The following JAK2 variants were observed in gnomAD, a reference collection of about 807,000 sequenced individuals.
The protein encoded by JAK2 is tyrosine-protein kinase JAK2.
A neutral mutation model predicts 139.3 loss-of-function variants in JAK2; 86 were observed. The ratio of observed to expected loss-of-function variants is 0.62; its 90% CI spans 0.52 to 0.74. The LOEUF (loss-of-function observed/expected upper bound fraction) is 0.74, where lower values mean the gene tolerates loss of function less well. Among genes scored for constraint, JAK2 ranks in the 30% least tolerant of loss-of-function variants. JAK2 has a pLI of 0.00. For missense variants in JAK2, 1,421 were observed against 1,360.3 expected (o/e 1.04, Z -0.70); for synonymous variants, 490 against 437.7 (o/e 1.12, Z -1.49).
In JAK2 at chr9:5,123,128, G is replaced by A; in HGVS notation, c.3177+7G>A. The A allele has an allele frequency of 6.5e-7, 1 of 1,542,252 alleles. No homozygotes were observed. Among genetic ancestry groups the A allele is most frequent in the Non-Finnish European group, 8.8e-7 (1 of 1,131,182 alleles). On this transcript the variant is annotated splice_region_variant and intron_variant, in intron 23 of 24. Transcript: ENST00000381652. Reference sequence around the variant, plus strand: ...GAGTAAAAGTCCACCAGCGGTCAGTGTGCTTTTTATTTACTTTCAGTTTTT... The same window carrying A: ...GAGTAAAAGTCCACCAGCGGTCAGTATGCTTTTTATTTACTTTCAGTTTTT...
intron 22 of JAK2, among the ~76,000 whole-genome samples, chr9:5,120,716 T>G (rs1823549584): frequency 6.6e-6 from 1 of 152,178 alleles, no homozygotes; most frequent in South Asian, 2.1e-4. Flanking sequence ...ATGTAAACTG[T>G]AACAATGGGT....
chr9:5,069,350 C>A (rs1818790474), intron 11 of JAK2, 142 bp downstream of exon 11: 2 of 552,810 alleles, frequency 3.6e-6, no homozygotes, highest in Non-Finnish European at 6.2e-6. Context: ...ATTGTACAAG[C>A]ATCATCAAAT....
At chr9:5,065,705 A>T (rs1054999896) in intron 9 of JAK2, among the ~76,000 whole-genome samples, 1 of 152,226 alleles carries the variant, frequency 6.6e-6, no homozygotes, top group African/African-American at 2.4e-5. Flanking sequence ...GCTAGCTATC[A>T]TGCATAACAT....
At chr9:5,109,130 C>T (rs1341371188) in intron 22 of JAK2, 2 of 152,030 alleles carry the variant, frequency 1.3e-5, no homozygotes, top group East Asian at 3.9e-4. Context: ...TAATTACAAC[C>T]CTCTACTCCC....
At chr9:5,116,253 C>T (rs554582034) in intron 22 of JAK2, among the ~76,000 whole-genome samples, 1 of 152,066 alleles carries the variant, frequency 6.6e-6, no homozygotes, top group African/African-American at 2.4e-5. Context: ...GGATTTAAAC[C>T]CAAAAAGTCT....
At chr9:5,091,973 A>C (rs996210671) in intron 22 of JAK2, among the ~76,000 whole-genome samples, 2 of 152,096 alleles carry the variant, frequency 1.3e-5, no homozygotes, top group Non-Finnish European at 2.9e-5. Context: ...GTTAGTGATG[A>C]GGAATCCGGC....
At chr9:5,112,596 A>T in intron 22 of JAK2, 1 of 783,648 alleles carries the variant, frequency 1.3e-6, no homozygotes. Flanking sequence ...AGGGCTCTTA[A>T]GGAGCTGGGG....
chr9:5,006,456 T>C (rs1821307998), intron 2 of JAK2, among the ~76,000 whole-genome samples: 1 of 152,178 alleles, frequency 6.6e-6, no homozygotes, highest in Admixed American at 6.5e-5. Context: ...ACTGTATTTG[T>C]TTGTTCTCAT....
intron 22 of JAK2, among the ~76,000 whole-genome samples, chr9:5,103,714 TG>T (rs1448138794): frequency 6.6e-6 from 1 of 152,094 alleles, no homozygotes; most frequent in East Asian, 1.9e-4. Context: ...CACAACAAAC[TG>T]GCTCTCAGAG....
chr9:5,021,993 A>C lies in JAK2; in HGVS notation c.6A>C (p.Gly2=), dbSNP rs1311151192. 3.1e-6 allele frequency: 5 copies of C among 1,612,076 alleles called. No individual in the cohort carries two copies. Among genetic ancestry groups the C allele is most frequent in the Non-Finnish European group, 4.2e-6 (5 of 1,178,086 alleles). The change falls in exon 3 of 25, where the codon GGA becomes GGC. Residue 2 remains glycine (G), a synonymous_variant. Transcript: ENST00000381652. ...TGTTCTGAAAAAGACTCTGCATGGG[A>C]ATGGCCTGCCTTACGATGACAGAAA... M[G]MACLTMTEME...
At chr9:5,006,710 A>T (rs1056419211) in intron 2 of JAK2, among the ~76,000 whole-genome samples, 7 of 152,226 alleles carry the variant, frequency 4.6e-5, no homozygotes, top group African/African-American at 1.7e-4. Flanking sequence ...CTATCATGAG[A>T]CTAGCAAAGC....
intron 5 of JAK2, among the ~76,000 whole-genome samples, chr9:5,048,852 G>C (rs987780032): frequency 3.9e-5 from 6 of 152,174 alleles, no homozygotes; most frequent in African/African-American, 1.4e-4. Context: ...GAGGGCCCTT[G>C]TCCGGTTTAA....
intron 2 of JAK2, among the ~76,000 whole-genome samples, chr9:5,014,828 C>A (rs1435926410): frequency 1.3e-5 from 2 of 152,148 alleles, no homozygotes. Context: ...GCAATTTGCA[C>A]CTACATATGT....
intron 2 of JAK2, among the ~76,000 whole-genome samples, chr9:5,019,739 C>T (rs1332455229): frequency 1.3e-5 from 2 of 152,148 alleles, no homozygotes; most frequent in African/African-American, 4.8e-5. Context: ...TTGGCCAGGG[C>T]ACTTTGGGTT....
chr9:5,112,566 G>A, intron 22 of JAK2: 1 of 646,264 alleles, frequency 1.5e-6, no homozygotes, highest in Non-Finnish European at 2.7e-6. Flanking sequence ...ACGCCAGGGA[G>A]CGGCTGCGGG....
At chr9:5,099,745 A>C (rs918145690) in intron 22 of JAK2, 1 of 152,204 alleles carries the variant, frequency 6.6e-6, no homozygotes, top group African/African-American at 2.4e-5. Context: ...CCATAACATT[A>C]AAGGACAAAC....
chr9:5,021,981 ACT>A lies in JAK2; in HGVS notation c.-4_-3del. On this transcript the variant is annotated 5_prime_UTR_variant, in exon 3 of 25. Coordinates refer to ENST00000381652, the MANE Select transcript of JAK2 (RefSeq NM_004972.4). ...CTTACAGGCAAATGTTCTGAAAAAG[ACT>A]CTGCATGGGAATGGCCTGCCTTACG... 1 of 1,602,448 alleles carries A rather than the reference ACT, an allele frequency of 6.2e-7. No homozygotes were observed. The highest frequency in any genetic ancestry group is 8.5e-7 in the Non-Finnish European group (1 of 1,169,858).
At chr9:5,072,262 G>T (rs1025643040) in intron 12 of JAK2, among the ~76,000 whole-genome samples, 15 of 152,094 alleles carry the variant, frequency 9.9e-5, no homozygotes, top group African/African-American at 3.4e-4. Flanking sequence ...TTTCAAAACC[G>T]AGTAGAGCCA....
chr9:5,125,113 A>C (rs924356799), intron 23 of JAK2, among the ~76,000 whole-genome samples: 4 of 151,344 alleles, frequency 2.6e-5, no homozygotes, highest in African/African-American at 9.7e-5. Context: ...AGTATGAAAA[A>C]ATAAAAATCA....
Sources: gnomAD v4.1 joint callset for allele counts (sites outside exome capture counted in the v4.1 genomes callset) on GRCh38, gnomAD v4.1.1 for gene constraint, MANE v1.5 for transcripts, NCBI Gene and HGNC (gene_info 2026-07-23, HGNC 2026-07-21) for gene names.